ACOX3: variants seen among roughly 807,000 people sequenced by gnomAD.
ACOX3 encodes peroxisomal acyl-coenzyme A oxidase 3.
ACOX3 carries 73 observed loss-of-function variants against 81.5 expected under a neutral mutation model. The ratio of observed to expected loss-of-function variants is 0.90; its 90% CI spans 0.74 to 1.09. ACOX3 has a LOEUF of 1.09. Ranked by LOEUF, ACOX3 falls within the 50% of genes least tolerant of loss-of-function variation. The pLI is 0.00. For synonymous variants in ACOX3, 387 were observed against 375.1 expected, an observed-to-expected ratio of 1.03 and a Z score of -0.37; for missense variants, 947 against 928.0, an observed-to-expected ratio of 1.02 and a Z score of -0.27.
intron 15 of ACOX3, chr4:8,374,343 C>A (rs79570623): frequency 0.028 from 4,246 of 152,928 alleles, 81 homozygotes; most frequent in South Asian, 0.079. Context: ...ACTGTCAAGG[C>A]CTCCACGGGG....
chr4:8,435,815 A>G (rs1426094870), intron 1 of ACOX3, among the ~76,000 whole-genome samples: 2 of 152,194 alleles, frequency 1.3e-5, no homozygotes, highest in African/African-American at 2.4e-5. Flanking sequence ...AGGAGCCGCC[A>G]GAGATAACAG....
In ACOX3 at chr4:8,406,430, G is replaced by C. The variant is rs1049215423; in HGVS notation, c.688-387C>G. On this transcript the variant is annotated intron_variant, in intron 6 of 17. Transcript: ENST00000356406. This position sits in a 1 kb window ranked among gnomAD's most constrained non-coding sequence, Gnocchi z 5.6. ...AGGGATCAGCCCCACAGGGTCAGTG[G>C]GTTTCTCCCCGTGTGTGGAGACAAG... Among the ~76,000 whole-genome samples, 2 of 152,262 alleles carry C rather than the reference G, an allele frequency of 1.3e-5. No individual in the cohort carries two copies. The highest frequency in any genetic ancestry group is 4.8e-5 in the African/African-American group (2 of 41,544).
At chr4:8,425,248 G>A (rs377206008) in intron 1 of ACOX3, among the ~76,000 whole-genome samples, 9 of 152,036 alleles carry the variant, frequency 5.9e-5, no homozygotes, top group East Asian at 1.9e-4. Flanking sequence ...CAAAAGAGCC[G>A]CAAGGTGGGA....
At chr4:8,438,060 G>C (rs905497911) in intron 1 of ACOX3, among the ~76,000 whole-genome samples, 1 of 152,220 alleles carries the variant, frequency 6.6e-6, no homozygotes, top group African/African-American at 2.4e-5. Context: ...GCCATACCTT[G>C]TGAAAACTTG....
chr4:8,404,634 A>C (rs1007223826), intron 7 of ACOX3, among the ~76,000 whole-genome samples: 1 of 152,180 alleles, frequency 6.6e-6, no homozygotes, highest in East Asian at 1.9e-4. Flanking sequence ...CAGAAGAGAC[A>C]GGCAGAAGGA....
At chr4:8,378,116 G>A (rs974688353) in intron 14 of ACOX3, among the ~76,000 whole-genome samples, 1 of 152,230 alleles carries the variant, frequency 6.6e-6, no homozygotes, top group African/African-American at 2.4e-5. Flanking sequence ...CAGGAGAGAG[G>A]AGAGGGTCCC....
chr4:8,406,235 G>A lies in ACOX3; in HGVS notation c.688-192C>T, dbSNP rs576237291. Among the ~76,000 whole-genome samples the A allele has an allele frequency of 6.6e-6, 1 of 152,220 alleles. No homozygotes were observed. The highest frequency in any genetic ancestry group is 1.5e-5 in the Non-Finnish European group (1 of 68,044). Reference sequence around the variant, plus strand: ...GGGAATGGAAGCTTATTTGGAAATAGGGTCCTGCAGATATAATGAATTTAA... The same window carrying A: ...GGGAATGGAAGCTTATTTGGAAATAAGGTCCTGCAGATATAATGAATTTAA... On this transcript the variant is annotated intron_variant, in intron 6 of 17. Transcript: ENST00000356406. The surrounding 1 kb of genome is among the most constrained non-coding windows in gnomAD (Gnocchi z 5.6).
At chr4:8,378,118 G>C (rs1414614107) in intron 14 of ACOX3, among the ~76,000 whole-genome samples, 7 of 152,224 alleles carry the variant, frequency 4.6e-5, no homozygotes, top group African/African-American at 9.6e-5. Flanking sequence ...GGAGAGAGGA[G>C]AGGGTCCCAG....
chr4:8,367,638 A>G (rs1400428938), intron 17 of ACOX3, among the ~76,000 whole-genome samples: 1 of 151,796 alleles, frequency 6.6e-6, no homozygotes, highest in Admixed American at 6.6e-5. Flanking sequence ...AGTACTATAA[A>G]ACACATTTAT....
chr4:8,396,508 C>T (rs959279904), intron 9 of ACOX3, among the ~76,000 whole-genome samples: 6 of 152,028 alleles, frequency 3.9e-5, no homozygotes, highest in Admixed American at 2.0e-4. Flanking sequence ...AGAACCCTGT[C>T]TCTACTAACA....
In ACOX3 at chr4:8,384,630, C is replaced by T. The variant is rs1201798404; in HGVS notation, c.1538-3023G>A. ...ATGACTGCCCCTCGATCTGCCCCCTCCCCAGCTGGGGCTCTGTCCTTGACC... is the reference window on the plus strand; with the variant it reads ...ATGACTGCCCCTCGATCTGCCCCCTTCCCAGCTGGGGCTCTGTCCTTGACC... On this transcript the variant is annotated intron_variant, in intron 13 of 17. Transcript: ENST00000356406. This position sits in a 1 kb window ranked among gnomAD's most constrained non-coding sequence, Gnocchi z 5.3. Among the ~76,000 whole-genome samples the T allele has an allele frequency of 1.3e-5, 2 of 152,186 alleles. No homozygotes were observed. Among genetic ancestry groups the T allele is most frequent in the African/African-American group, 4.8e-5 (2 of 41,440 alleles).
intron 1 of ACOX3, among the ~76,000 whole-genome samples, chr4:8,439,685 G>A (rs1010886242): frequency 6.6e-6 from 1 of 152,178 alleles, no homozygotes; most frequent in Non-Finnish European, 1.5e-5. Context: ...TTGATCCTAG[G>A]TCTTTATTTA....
chr4:8,397,134 C>A lies in ACOX3; in HGVS notation c.874-15G>T. 6.5e-7 allele frequency: 1 copy of A among 1,538,570 alleles called. No homozygotes were observed. Among genetic ancestry groups the A allele is most frequent in the Non-Finnish European group, 8.7e-7 (1 of 1,147,028 alleles). ...TGCCTGACGTCCTACGGGAGGGACA[C>A]AGATGATAAGCTCAAGCCCGGCTGC... On this transcript the variant is annotated splice_polypyrimidine_tract_variant and intron_variant, in intron 8 of 17. Coordinates refer to ENST00000356406, the MANE Select transcript of ACOX3 (RefSeq NM_003501.3).
At chr4:8,375,511 CCCCAAGGGCCCAGGA>C (rs1716847191) in intron 14 of ACOX3, among the ~76,000 whole-genome samples, 2 of 152,192 alleles carry the variant, frequency 1.3e-5, no homozygotes, top group African/African-American at 4.8e-5. Context: ...ACCAGGAGGC[CCCCAAGGGCCCAGGA>C]CCTGGCTTCT....
chr4:8,425,834 GC>G lies in ACOX3; in HGVS notation c.-14-9300del, dbSNP rs1290909100. ...CCCTGAGACTTACAGAGTGACAATG[GC>G]CCCGCTTTCAAGGCTGCAGTAACCC... On this transcript the variant is annotated intron_variant, in intron 1 of 17. Transcript: ENST00000356406. Among the ~76,000 whole-genome samples, 3 of 151,880 alleles carry G rather than the reference GC, an allele frequency of 2.0e-5. No homozygotes were observed. The East Asian group carries it at 5.8e-4, about 29-fold the overall frequency.
chr4:8,380,070 G>A (rs754959054), intron 14 of ACOX3, among the ~76,000 whole-genome samples: 1 of 152,158 alleles, frequency 6.6e-6, no homozygotes, highest in Non-Finnish European at 1.5e-5. Flanking sequence ...TAAACAAGGC[G>A]GCCTGTTCTG....
chr4:8,420,525 A>G (rs950822461), intron 1 of ACOX3, among the ~76,000 whole-genome samples: 2 of 152,222 alleles, frequency 1.3e-5, no homozygotes, highest in Admixed American at 6.5e-5. Flanking sequence ...ATTAGGCTAA[A>G]AACAGGAGGT....
In ACOX3 at chr4:8,374,995, G is replaced by A. The variant is rs1009316328; in HGVS notation, c.1811C>T (p.Ala604Val). The A allele has an allele frequency of 2.6e-6, 4 of 1,531,142 alleles. No homozygotes were observed. Among genetic ancestry groups the A allele is most frequent in the Non-Finnish European group, 2.7e-6 (3 of 1,131,996 alleles). The allele number at this position is 1,531,142 out of a possible 1,614,324, so 94.8% of individuals were successfully genotyped here. ...LYALWSLSRH[A>V]ALLYRGGYFS... is the part of the protein sequence containing the mutation. ...AGCCTCACCTCGGTAGAGCAGGGCC[G>A]CGTGGCGGCTCAGGGACCACAGGGC... is the stretch of plus-strand genomic sequence containing the variant. The change falls in exon 15 of 18, where the codon GCG becomes GTG. Residue 604 changes from alanine to valine, a missense_variant. Physicochemically the swap from Ala to Val is moderately conservative, Grantham distance 64. Coordinates refer to ENST00000356406, the MANE Select transcript of ACOX3 (RefSeq NM_003501.3).
At chr4:8,361,342 C>G (rs574775371), downstream of ACOX3, among the ~76,000 whole-genome samples, 2 of 134,226 alleles carry the variant, frequency 1.5e-5, no homozygotes, top group African/African-American at 2.8e-5. Context: ...AGGACAAAGG[C>G]GTGAACCCAG....
Sources: gnomAD v4.1 joint callset for allele counts (sites outside exome capture counted in the v4.1 genomes callset) on GRCh38, gnomAD v4.1.1 for gene constraint, Gnocchi (gnomAD v3.1) non-coding constraint, MANE v1.5 for transcripts, NCBI Gene and HGNC (gene_info 2026-07-23, HGNC 2026-07-21) for gene names.